DLG2: variants seen among roughly 807,000 people sequenced by gnomAD.
DLG2 encodes discs large MAGUK scaffold protein 2.
A neutral mutation model predicts 132.5 loss-of-function variants in DLG2; 45 were observed. The observed-to-expected ratio is 0.34, with a 90% CI of 0.27 to 0.44. The LOEUF is 0.44. Among genes scored for constraint, DLG2 ranks in the 20% least tolerant of loss-of-function variants. The probability of loss-of-function intolerance (pLI) is 1.00; values close to 1 mark genes in which losing one functional copy is unlikely to be tolerated. For missense variants in DLG2, 1,045 were observed against 1,196.9 expected, an observed-to-expected ratio of 0.87 and a Z score of 1.87; for synonymous variants, 424 against 419.6, an observed-to-expected ratio of 1.01 and a Z score of -0.13.
intron 3 of DLG2, among the ~76,000 whole-genome samples, chr11:85,591,458 C>T (rs769978778): frequency 7.9e-5 from 12 of 152,094 alleles, no homozygotes; most frequent in African/African-American, 2.9e-4. Flanking sequence ...AGAAAGCTGT[C>T]GACCAGGTGT....
intron 4 of DLG2, among the ~76,000 whole-genome samples, chr11:85,169,484 T>C (rs369325817): frequency 1.3e-5 from 2 of 152,172 alleles, no homozygotes; most frequent in Non-Finnish European, 2.9e-5. Flanking sequence ...AGATGGCTAA[T>C]GCTTAAATAG....
intron 7 of DLG2, among the ~76,000 whole-genome samples, chr11:84,532,359 T>G (rs946915874): frequency 2.4e-4 from 37 of 152,122 alleles, no homozygotes; most frequent in African/African-American, 8.9e-4. Flanking sequence ...ATATTATCAA[T>G]TCTAGTAGAA....
chr11:84,478,465 T>C (rs1485730963), intron 7 of DLG2, among the ~76,000 whole-genome samples: 2 of 152,138 alleles, frequency 1.3e-5, no homozygotes, highest in Admixed American at 6.5e-5. Context: ...TGCATGATTA[T>C]ACTATAATTA....
chr11:84,697,998 A>C (rs2058797018), intron 6 of DLG2, among the ~76,000 whole-genome samples: 1 of 151,556 alleles, frequency 6.6e-6, no homozygotes, highest in African/African-American at 2.4e-5. Flanking sequence ...TCAATTATTC[A>C]GTTCAATTAT....
chr11:84,544,311 A>C (rs1391533512), intron 6 of DLG2, among the ~76,000 whole-genome samples: 1 of 152,228 alleles, frequency 6.6e-6, no homozygotes, highest in African/African-American at 2.4e-5. Flanking sequence ...GAAAATAACG[A>C]GTATGGAATT....
intron 6 of DLG2, among the ~76,000 whole-genome samples, chr11:84,734,361 G>C (rs1392347687): frequency 2.6e-5 from 4 of 152,092 alleles, no homozygotes; most frequent in East Asian, 1.9e-4. Flanking sequence ...CACATCCCTT[G>C]TAAGTTGGAT....
Position 83,833,883 on chromosome 11 carries a change from T to C in DLG2, c.1566-113A>G, listed in dbSNP as rs1003640770. On this transcript the variant is annotated intron_variant, in intron 16 of 27. Transcript: ENST00000376104. ...GCAACTCACTACTTGTAAAATTGTT[T>C]CTCAAACTAAGATAACATTTGCACA... The C allele has an allele frequency of 8.8e-6, 10 of 1,135,526 alleles. No homozygotes were observed. In the Admixed American group the frequency reaches 1.6e-4, roughly 18 times the overall value. The allele number at this position is 1,135,526 out of a possible 1,614,324, so 70.3% of individuals were successfully genotyped here.
intron 7 of DLG2, among the ~76,000 whole-genome samples, chr11:84,259,573 G>T (rs1035317107): frequency 6.6e-6 from 1 of 152,144 alleles, no homozygotes; most frequent in East Asian, 1.9e-4. Flanking sequence ...ACTGTGTCAG[G>T]ATGTCTAAAG....
At chr11:84,522,953 C>G (rs2099309025) in intron 7 of DLG2, among the ~76,000 whole-genome samples, 1 of 152,040 alleles carries the variant, frequency 6.6e-6, no homozygotes, top group Non-Finnish European at 1.5e-5. Flanking sequence ...TCAAAATGTC[C>G]CCAACTCATT....
At chr11:85,090,927 A>G (rs2068662099) in intron 6 of DLG2, among the ~76,000 whole-genome samples, 1 of 152,224 alleles carries the variant, frequency 6.6e-6, no homozygotes, top group Non-Finnish European at 1.5e-5. Flanking sequence ...ATGGCAGAAG[A>G]CAAAGGGGAG....
At chr11:85,252,767 G>A (rs1424502949) in intron 4 of DLG2, among the ~76,000 whole-genome samples, 1 of 152,000 alleles carries the variant, frequency 6.6e-6, no homozygotes, top group African/African-American at 2.4e-5. Context: ...AAAGCATGAG[G>A]AAAGGCTGTG....
intron 6 of DLG2, among the ~76,000 whole-genome samples, chr11:84,710,048 T>C (rs986612557): frequency 1.3e-4 from 20 of 151,964 alleles, no homozygotes; most frequent in Non-Finnish European, 2.9e-4. Context: ...CTGATATTAG[T>C]TGTACTTATG....
At chr11:84,102,769 T>C (rs1439223263) in intron 9 of DLG2, among the ~76,000 whole-genome samples, 2 of 152,112 alleles carry the variant, frequency 1.3e-5, no homozygotes, top group Non-Finnish European at 2.9e-5. Flanking sequence ...GGACATTTAG[T>C]GGGGGAAGTA....
chr11:84,131,846 T>C (rs183411927), intron 9 of DLG2, among the ~76,000 whole-genome samples: 6 of 152,148 alleles, frequency 3.9e-5, no homozygotes, highest in African/African-American at 1.2e-4. Flanking sequence ...AAATTACTTA[T>C]TTATCTTTTA....
At chr11:84,724,656 C>CA (rs1228057597) in intron 6 of DLG2, among the ~76,000 whole-genome samples, 4 of 152,080 alleles carry the variant, frequency 2.6e-5, no homozygotes, top group Non-Finnish European at 5.9e-5. Flanking sequence ...TCAATCTTAC[C>CA]AAAAAAAGGA....
intron 7 of DLG2, among the ~76,000 whole-genome samples, chr11:84,479,523 AAT>A (rs886631127): frequency 4.6e-5 from 7 of 152,138 alleles, no homozygotes; most frequent in Non-Finnish European, 1.0e-4. Flanking sequence ...ACTTTAAGAC[AAT>A]ATGTTTCCTT....
At chr11:85,451,550 A>T (rs1034984146) in intron 3 of DLG2, among the ~76,000 whole-genome samples, 1 of 152,218 alleles carries the variant, frequency 6.6e-6, no homozygotes, top group Non-Finnish European at 1.5e-5. Flanking sequence ...TTGTTTATAT[A>T]TGTAACTTCT....
chr11:84,048,845 A>C lies in DLG2; in HGVS notation c.919+10470T>G, dbSNP rs191171704. On this transcript the variant is annotated intron_variant, in intron 11 of 27. Coordinates refer to ENST00000376104, the MANE Select transcript of DLG2 (RefSeq NM_001142699.3). ...AAATCCAACTTGTTAAAGAAAAAAA[A>C]ACACACACACACACTATTGACAAAG... Among the ~76,000 whole-genome samples, 889 of 151,706 alleles carry C rather than the reference A, an allele frequency of 5.9e-3. 9 individuals are homozygous for C. The highest frequency in any genetic ancestry group is 0.021 in the African/African-American group (854 of 41,452).
chr11:85,081,558 T>C (rs2067226668), intron 6 of DLG2, among the ~76,000 whole-genome samples: 1 of 152,166 alleles, frequency 6.6e-6, no homozygotes, highest in South Asian at 2.1e-4. Flanking sequence ...TACTCTAATT[T>C]TTCTCAAAGT....
Sources: allele counts gnomAD v4.1 joint callset (sites outside exome capture counted in the v4.1 genomes callset), GRCh38; gene constraint gnomAD v4.1.1; transcripts MANE v1.5; gene names NCBI Gene and HGNC (gene_info 2026-07-23, HGNC 2026-07-21).